VWA3B: variants seen among roughly 807,000 people sequenced by gnomAD.
VWA3B encodes the protein von Willebrand factor A domain-containing protein 3B.
A neutral mutation model predicts 158.3 loss-of-function variants in VWA3B; 138 were observed. The ratio of observed to expected loss-of-function variants is 0.87; its 90% confidence interval spans 0.76 to 1.00. The LOEUF (loss-of-function observed/expected upper bound fraction) is 1.00, where lower values mean the gene tolerates loss of function less well. Ranked by LOEUF, VWA3B falls within the 50% of genes least tolerant of loss-of-function variation. The pLI, the probability that VWA3B is intolerant of heterozygous loss-of-function variation, is 0.00. For synonymous variants in VWA3B, 596 were observed against 587.3 expected (o/e 1.01, Z -0.21); for missense variants, 1,555 against 1,565.1 (o/e 0.99, Z 0.11).
chr2:98,178,895 A>G (rs1680235998), intron 8 of VWA3B, among the ~76,000 whole-genome samples: 1 of 152,194 alleles, frequency 6.6e-6, no homozygotes, highest in African/African-American at 2.4e-5. Flanking sequence ...GTGATAGTTC[A>G]TGTTAGAAAA....
intron 7 of VWA3B, among the ~76,000 whole-genome samples, chr2:98,143,376 T>A (rs929169355): frequency 4.6e-5 from 7 of 152,222 alleles, no homozygotes; most frequent in Non-Finnish European, 8.8e-5. Context: ...TAAGTTCACC[T>A]GTTTCTTTTT....
intron 21 of VWA3B, chr2:98,269,235 C>G (rs954114322): frequency 1.6e-4 from 25 of 152,156 alleles, no homozygotes; most frequent in African/African-American, 5.6e-4. Context: ...CACCAATTAT[C>G]CCAGCTAGAG....
chr2:98,258,996 A>G (rs1243332004), intron 21 of VWA3B, among the ~76,000 whole-genome samples: 1 of 151,662 alleles, frequency 6.6e-6, no homozygotes. Context: ...AATTTTGTCA[A>G]GTGCTTTTTT....
chr2:98,219,822 G>A (rs1031510870), intron 14 of VWA3B, among the ~76,000 whole-genome samples: 14 of 152,076 alleles, frequency 9.2e-5, no homozygotes, highest in Admixed American at 4.6e-4. Flanking sequence ...GAGCCTATGC[G>A]GACTGAAAAT....
chr2:98,163,880 T>C (rs1029273259), intron 8 of VWA3B, among the ~76,000 whole-genome samples: 1 of 152,324 alleles, frequency 6.6e-6, no homozygotes, highest in South Asian at 2.1e-4. Context: ...CTACACTGAC[T>C]TAGGCTTTTT....
intron 26 of VWA3B, among the ~76,000 whole-genome samples, chr2:98,310,869 A>G (rs183349800): frequency 8.5e-5 from 13 of 152,314 alleles, no homozygotes; most frequent in African/African-American, 3.1e-4. Context: ...CTTTGAGCCA[A>G]TCTTTGAAAA....
At position 98,121,430 on chromosome 2, in the gene VWA3B, C is replaced by A; in HGVS notation, c.674C>A (p.Ala225Asp). Residue 225 changes from alanine (A) to aspartate (D), a missense_variant, in exon 5 of 28, where the codon GCT (alanine) becomes GAT (aspartate). Physicochemically the swap from Ala to Asp is moderately radical, Grantham distance 126. Coordinates refer to ENST00000477737, the MANE Select transcript of VWA3B (RefSeq NM_144992.5). ...LTVSEAGRLD[A>D]LLEAGRDKTI... is the part of the protein sequence containing the mutation. Reference sequence around the variant, plus strand: ...GTGAGCGAGGCTGGCCGCCTGGATGCTCTGCTGGAAGCCGGGAGAGACAAG... The same window carrying A: ...GTGAGCGAGGCTGGCCGCCTGGATGATCTGCTGGAAGCCGGGAGAGACAAG... 1 of 1,614,116 alleles carries A rather than the reference C, an allele frequency of 6.2e-7. No homozygotes were observed. Among genetic ancestry groups the A allele is most frequent in the Middle Eastern group, 1.7e-4 (1 of 6,028 alleles).
intron 26 of VWA3B, among the ~76,000 whole-genome samples, chr2:98,308,355 A>T (rs1290436184): frequency 6.6e-6 from 1 of 152,180 alleles, no homozygotes; most frequent in Non-Finnish European, 1.5e-5. Flanking sequence ...CCTTCCGTTC[A>T]GGAGTGTCCC....
intron 16 of VWA3B, among the ~76,000 whole-genome samples, chr2:98,234,281 A>G (rs1280038649): frequency 2.6e-5 from 4 of 152,238 alleles, no homozygotes; most frequent in South Asian, 2.1e-4. Context: ...TCAATGTGCT[A>G]TTACTGTCTT....
At chr2:98,168,601 A>G (rs1009536423) in intron 8 of VWA3B, among the ~76,000 whole-genome samples, 1 of 152,198 alleles carries the variant, frequency 6.6e-6, no homozygotes, top group African/African-American at 2.4e-5. Flanking sequence ...TTAAAAAGAC[A>G]CATACTGAAC....
At chr2:98,252,011 A>G (rs1289422425) in intron 20 of VWA3B, among the ~76,000 whole-genome samples, 1 of 152,170 alleles carries the variant, frequency 6.6e-6, no homozygotes, top group East Asian at 1.9e-4. Flanking sequence ...AGACTTCCAG[A>G]CAGGCCTTGC....
intron 7 of VWA3B, among the ~76,000 whole-genome samples, chr2:98,140,060 G>A (rs1169253507): frequency 6.6e-6 from 1 of 152,034 alleles, no homozygotes; most frequent in African/African-American, 2.4e-5. Flanking sequence ...CACCGTGAAG[G>A]TCTGCGGCTT....
intron 19 of VWA3B, among the ~76,000 whole-genome samples, chr2:98,240,729 G>A (rs1686023766): frequency 6.6e-6 from 1 of 152,116 alleles, no homozygotes; most frequent in Non-Finnish European, 1.5e-5. Flanking sequence ...ATATGCTGAA[G>A]AAGCAAACTT....
chr2:98,131,449 C>T (rs1363794444), intron 6 of VWA3B, among the ~76,000 whole-genome samples: 3 of 152,186 alleles, frequency 2.0e-5, no homozygotes, highest in Admixed American at 1.3e-4. Flanking sequence ...ACTTCCTTTT[C>T]TTTGGGTAAA....
At chr2:98,325,202 T>C in the VWA3B span, among the ~76,000 whole-genome samples, 1 of 151,950 alleles carries the variant, frequency 6.6e-6, no homozygotes. Context: ...CCAGAGTAAA[T>C]AGGAAGTAAA....
intron 8 of VWA3B, among the ~76,000 whole-genome samples, chr2:98,166,984 G>A (rs974369392): frequency 7.9e-5 from 12 of 152,124 alleles, no homozygotes; most frequent in African/African-American, 2.9e-4. Context: ...CCACGTGTCC[G>A]ACCTGCTCTC....
chr2:98,258,990 T>A (rs1687321830), intron 21 of VWA3B, among the ~76,000 whole-genome samples: 1 of 151,732 alleles, frequency 6.6e-6, no homozygotes, highest in African/African-American at 2.4e-5. Context: ...GTGTTAAATT[T>A]TGTCAAGTGC....
At chr2:98,296,512 C>CA (rs1203953048) in intron 23 of VWA3B, among the ~76,000 whole-genome samples, 4 of 151,744 alleles carry the variant, frequency 2.6e-5, no homozygotes, top group Non-Finnish European at 4.4e-5. Flanking sequence ...GCATATTTTT[C>CA]AAAAAAAATT....
intron 21 of VWA3B, among the ~76,000 whole-genome samples, chr2:98,264,131 T>A (rs535793349): frequency 6.6e-6 from 1 of 152,114 alleles, no homozygotes; most frequent in South Asian, 2.1e-4. Flanking sequence ...CTCTTTTTTC[T>A]TGGCTAGTCT....
Sources: gnomAD v4.1 joint callset for allele counts (sites outside exome capture counted in the v4.1 genomes callset) on GRCh38, gnomAD v4.1.1 for gene constraint, MANE v1.5 for transcripts, NCBI Gene and HGNC (gene_info 2026-07-23, HGNC 2026-07-21) for gene names.